Variants in TTLL4 observed in about 807,000 individuals in gnomAD.
TTLL4 encodes tubulin tyrosine ligase like 4, also known as tubulin monoglutamylase TTLL4.
Under a neutral mutation model 122.7 loss-of-function variants are expected in TTLL4, and 85 were observed. The ratio of observed to expected loss-of-function variants is 0.69; its 90% CI spans 0.58 to 0.83. TTLL4 has a LOEUF of 0.83. TTLL4 is among the 40% of genes least tolerant of loss of function. The pLI is 0.00. For synonymous variants in TTLL4, 553 were observed against 563.0 expected, an observed-to-expected ratio of 0.98 and a Z score of 0.25; for missense variants, 1,363 against 1,488.6, an observed-to-expected ratio of 0.92 and a Z score of 1.39.
At chr2:218,752,718 T>G (rs747534811) in intron 16 of TTLL4, 45 bp from the exon 17 acceptor site, 4 of 1,606,268 alleles carry the variant, frequency 2.5e-6, no homozygotes, top group Non-Finnish European at 3.4e-6. Context: ...TGCCCCTGGC[T>G]TACACTCTCT....
chr2:218,721,755 A>G (rs1942046941), intron 1 of TTLL4, among the ~76,000 whole-genome samples: 1 of 152,208 alleles, frequency 6.6e-6, no homozygotes, highest in Admixed American at 6.5e-5. Flanking sequence ...GCTCTGTGAA[A>G]AAGTCCCTGT....
intron 2 of TTLL4, among the ~76,000 whole-genome samples, chr2:218,730,512 T>A (rs942589009): frequency 1.3e-5 from 2 of 149,774 alleles, no homozygotes; most frequent in Non-Finnish European, 3.0e-5. Flanking sequence ...TGTCTCAAAG[T>A]AAATAAATAA....
intron 5 of TTLL4, among the ~76,000 whole-genome samples, chr2:218,743,616 A>C (rs1942761220): frequency 6.6e-6 from 1 of 152,160 alleles, no homozygotes; most frequent in Admixed American, 6.5e-5. Context: ...TTTTTTTAAG[A>C]AACTGCCAAA....
intron 1 of TTLL4, among the ~76,000 whole-genome samples, chr2:218,717,892 G>A (rs752947458): frequency 3.3e-5 from 5 of 151,514 alleles, no homozygotes; most frequent in Non-Finnish European, 7.4e-5. Context: ...TCCGCCTCCC[G>A]GGTTCAGGCC....
chr2:218,756,129 A>G (rs928118697), downstream of TTLL4, among the ~76,000 whole-genome samples: 18 of 152,164 alleles, frequency 1.2e-4, no homozygotes, highest in Non-Finnish European at 1.5e-5. Flanking sequence ...CCTTCCTAAG[A>G]GAAAATGAGC....
In TTLL4 at chr2:218,753,651, C is replaced by T; in HGVS notation, c.3326C>T (p.Ser1109Leu). 6.2e-7 allele frequency: 1 copy of T among 1,614,154 alleles called. No individual in the cohort carries two copies. The highest frequency in any genetic ancestry group is 1.1e-5 in the South Asian group (1 of 91,080). ...DDVILNAFSK[S>L]ETSKLGKQSS... ...GTGATACTCAATGCCTTCAGCAAAT[C>T]AGAGACTAGCAAGCTGGGGTGAGTG... The change falls in exon 19 of 20, where the codon TCA becomes TTA. Residue 1109 changes from serine (S) to leucine (L), a missense_variant. Transcript: ENST00000392102.
intron 1 of TTLL4, among the ~76,000 whole-genome samples, chr2:218,719,078 A>G (rs1347129427): frequency 6.6e-6 from 1 of 152,170 alleles, no homozygotes. Context: ...TATAATTCAC[A>G]TTGAACATAT....
At chr2:218,752,554 C>T (rs927043489) in intron 16 of TTLL4, among the ~76,000 whole-genome samples, 5 of 152,188 alleles carry the variant, frequency 3.3e-5, no homozygotes, top group African/African-American at 1.2e-4. Flanking sequence ...TGACCCCAAA[C>T]AAGAGTGCCT....
intron 1 of TTLL4, among the ~76,000 whole-genome samples, chr2:218,723,630 T>C (rs1167565887): frequency 2.6e-5 from 4 of 152,198 alleles, no homozygotes; most frequent in Admixed American, 2.0e-4. Context: ...GTGCATCATA[T>C]CATGAAGCAC....
chr2:218,750,096 T>C lies in TTLL4; in HGVS notation c.2823T>C (p.Asn941=), dbSNP rs1942975319. 3 of 1,614,106 alleles carry C rather than the reference T, an allele frequency of 1.9e-6. No individual in the cohort carries two copies. The highest frequency in any genetic ancestry group is 4.5e-5 in the East Asian group (2 of 44,886). ...ATCTGGCAGGTTTTGTCCTGCCCAA[T>C]GCAGAGGATATCATTTCCAGCCCCA... ...LLNLAGFVLP[N]AEDIISSPSS... is the part of the protein sequence containing the mutation. Residue 941 remains asparagine (N), a synonymous_variant, in exon 15 of 20, where the codon AAT becomes AAC. Coordinates refer to ENST00000392102, the MANE Select transcript of TTLL4 (RefSeq NM_014640.5).
At chr2:218,721,348 G>A (rs541545020) in intron 1 of TTLL4, among the ~76,000 whole-genome samples, 3 of 152,304 alleles carry the variant, frequency 2.0e-5, no homozygotes, top group African/African-American at 7.2e-5. Flanking sequence ...GGGATTACAG[G>A]TGTGCGTCAC....
chr2:218,749,752 C>T (rs919116729), intron 14 of TTLL4, among the ~76,000 whole-genome samples: 3 of 152,182 alleles, frequency 2.0e-5, no homozygotes, highest in African/African-American at 7.2e-5. Flanking sequence ...CAGATGTGAG[C>T]CACCACGCCC....
At chr2:218,728,493 C>T (rs937365842) in intron 2 of TTLL4, among the ~76,000 whole-genome samples, 1 of 152,186 alleles carries the variant, frequency 6.6e-6, no homozygotes, top group Non-Finnish European at 1.5e-5. Flanking sequence ...TAATGCTTAC[C>T]TAAGTGGTAA....
At chr2:218,757,682 C>T (rs1347685682), downstream of TTLL4, among the ~76,000 whole-genome samples, 1 of 152,096 alleles carries the variant, frequency 6.6e-6, no homozygotes, top group Admixed American at 6.6e-5. Context: ...GTGAGTATCC[C>T]CCTGTCACCC....
chr2:218,740,065 A>G lies in TTLL4; in HGVS notation c.1495A>G (p.Thr499Ala). Residue 499 changes from threonine (T) to alanine (A), a missense_variant, in exon 4 of 20, where the codon ACT becomes GCT. This residue lies in a region of TTLL4 where 760 missense variants were observed against 808.4 expected (regional missense o/e 0.94). Transcript: ENST00000392102. ...CATGATTCTTTCTTTTAGTTCAGCT[A>G]CTGACCTCCAGCCAGATCAGGCTGA... The part of the protein sequence containing the change: ...DSSDRDISSA[T>A]DLQPDQAETE... The G allele has an allele frequency of 1.9e-6, 3 of 1,614,074 alleles. No homozygotes were observed. The highest frequency in any genetic ancestry group is 2.2e-5 in the East Asian group (1 of 44,880).
chr2:218,729,767 A>AAAC (rs1559361952), intron 2 of TTLL4, among the ~76,000 whole-genome samples: 1 of 90,300 alleles, frequency 1.1e-5, no homozygotes. Context: ...AAAAAACAAA[A>AAAC]AAAAAAAAAA....
chr2:218,720,305 C>T (rs927372689), intron 1 of TTLL4, among the ~76,000 whole-genome samples: 1 of 152,066 alleles, frequency 6.6e-6, no homozygotes, highest in Non-Finnish European at 1.5e-5. Context: ...GGATTGGCCT[C>T]AGGAGGAGGA....
At chr2:218,745,359 G>A (rs1014791897) in intron 6 of TTLL4, 126 bp downstream of exon 6, 37 of 1,299,436 alleles carry the variant, frequency 2.8e-5, no homozygotes, top group Middle Eastern at 4.1e-4. Flanking sequence ...TTGTCACACT[G>A]TGCTCAGTTC....
downstream of TTLL4, among the ~76,000 whole-genome samples, chr2:218,758,070 G>A (rs562235106): frequency 2.3e-4 from 35 of 152,186 alleles, no homozygotes; most frequent in South Asian, 6.9e-3. Flanking sequence ...TTAATATCCG[G>A]GGATCTATGC....
Sources: gnomAD v4.1 joint callset for allele counts (sites outside exome capture counted in the v4.1 genomes callset) on GRCh38, gnomAD v4.1.1 for gene constraint, gnomAD v4.1.1 regional missense constraint, MANE v1.5 for transcripts, NCBI Gene and HGNC (gene_info 2026-07-23, HGNC 2026-07-21) for gene names.